Variants in ZNF277 observed in about 807,000 individuals in gnomAD.
The protein encoded by ZNF277 is zinc finger protein 277, also known as nuclear receptor-interacting factor 4.
In ZNF277, 55 loss-of-function variants were observed where a neutral mutation model predicts 60.7. The ratio of observed to expected loss-of-function variants is 0.91; its 90% CI spans 0.73 to 1.13. The LOEUF is 1.13. ZNF277 is among the 50% of genes most tolerant of loss of function. ZNF277 has a pLI of 0.00. For missense variants in ZNF277, 510 were observed against 523.0 expected (o/e 0.98, Z 0.24); for synonymous variants, 178 against 179.3 (o/e 0.99, Z 0.06).
At chr7:112,268,150 A>G (rs1310734189) in intron 1 of ZNF277, among the ~76,000 whole-genome samples, 1 of 152,146 alleles carries the variant, frequency 6.6e-6, no homozygotes, top group African/African-American at 2.4e-5. Flanking sequence ...GAAAGTGACC[A>G]TGTATGAAAG....
intron 1 of ZNF277, among the ~76,000 whole-genome samples, chr7:112,262,084 T>G (rs1333713838): frequency 6.6e-6 from 1 of 152,024 alleles, no homozygotes; most frequent in East Asian, 1.9e-4. Flanking sequence ...ACTCACTATT[T>G]TCTATTTCTC....
chr7:112,329,537 T>C (rs1793176382), intron 6 of ZNF277, among the ~76,000 whole-genome samples: 1 of 152,158 alleles, frequency 6.6e-6, no homozygotes, highest in Non-Finnish European at 1.5e-5. Context: ...TCAATAAATA[T>C]ATATATATGA....
intron 1 of ZNF277, among the ~76,000 whole-genome samples, chr7:112,219,984 A>G (rs1172560324): frequency 6.6e-6 from 1 of 152,222 alleles, no homozygotes; most frequent in African/African-American, 2.4e-5. Flanking sequence ...GAGATCAGGT[A>G]GAGTGATGCC....
rs533448494 is a variant in ZNF277, at chr7:112,207,623, A to T, written c.91+816A>T. On this transcript the variant is annotated intron_variant, in intron 1 of 11. Coordinates refer to ENST00000361822, the MANE Select transcript of ZNF277 (RefSeq NM_021994.3). ...GGTGGATTGTGTTTAGGACTCTTTT[A>T]CCTTTAGTCTATCCCTCCCCCATTC... Among the ~76,000 whole-genome samples, 94 of 152,228 alleles carry T rather than the reference A, an allele frequency of 6.2e-4. No homozygotes were observed. The Middle Eastern group carries it at 0.014, about 22-fold the overall frequency.
At chr7:112,251,133 G>A (rs1231744305) in intron 1 of ZNF277, among the ~76,000 whole-genome samples, 2 of 151,996 alleles carry the variant, frequency 1.3e-5, no homozygotes, top group Non-Finnish European at 2.9e-5. Context: ...AAACCAACTT[G>A]AGGAAGAATC....
chr7:112,235,920 G>A (rs1790771405), intron 1 of ZNF277, among the ~76,000 whole-genome samples: 1 of 151,944 alleles, frequency 6.6e-6, no homozygotes. Flanking sequence ...TTACATGTAG[G>A]TTTGTGATCA....
Position 112,342,671 on chromosome 7 carries a change from A to G in ZNF277, c.1295A>G (p.Asp432Gly). The change falls in exon 12 of 12, where the codon GAT becomes GGT. Residue 432 changes from aspartate to glycine, a missense_variant. Physicochemically the swap from Asp to Gly is moderately conservative, Grantham distance 94. Transcript: ENST00000361822. ...QNENVPIISEDTSKLYALKQS... is the reference protein window; with the variant it reads ...QNENVPIISEGTSKLYALKQS... The stretch of plus-strand genomic sequence containing the variant: ...GAAAATGTTCCCATCATCAGTGAAG[A>G]TACATCTAAACTGTATGCTTTGAAA... The G allele has an allele frequency of 6.2e-7, 1 of 1,612,360 alleles. No individual in the cohort carries two copies. Among genetic ancestry groups the G allele is most frequent in the South Asian group, 1.1e-5 (1 of 91,024 alleles).
chr7:112,268,881 G>C (rs976245749), intron 1 of ZNF277, among the ~76,000 whole-genome samples: 1 of 152,022 alleles, frequency 6.6e-6, no homozygotes, highest in African/African-American at 2.4e-5. Context: ...AGTCAGTTGG[G>C]CATTTTGTTT....
chr7:112,265,268 T>C (rs1791524453), intron 1 of ZNF277, among the ~76,000 whole-genome samples: 1 of 152,170 alleles, frequency 6.6e-6, no homozygotes, highest in South Asian at 2.1e-4. Context: ...GACTCTTCAC[T>C]TGAACACTTA....
At chr7:112,274,318 C>T (rs1192247573) in intron 1 of ZNF277, among the ~76,000 whole-genome samples, 1 of 151,914 alleles carries the variant, frequency 6.6e-6, no homozygotes, top group African/African-American at 2.4e-5. Flanking sequence ...CCACCATGCC[C>T]AGCTGATTTT....
At chr7:112,237,709 G>C (rs1790837538) in intron 1 of ZNF277, among the ~76,000 whole-genome samples, 1 of 152,028 alleles carries the variant, frequency 6.6e-6, no homozygotes, top group African/African-American at 2.4e-5. Flanking sequence ...AAAAAGCCCA[G>C]GACCATATGG....
intron 1 of ZNF277, among the ~76,000 whole-genome samples, chr7:112,208,523 C>T (rs1445124576): frequency 6.6e-6 from 1 of 151,044 alleles, no homozygotes; most frequent in Admixed American, 6.6e-5. Flanking sequence ...ATTCCCTCAC[C>T]TCACAGCACC....
rs1189897028 is a variant in ZNF277 at position 112,239,196 on chromosome 7, A to C, written c.91+32389A>C. 2.0e-5 allele frequency among the ~76,000 whole-genome samples: 3 copies of C among 152,010 alleles called. No homozygotes were observed. The East Asian group carries it at 5.8e-4, about 30-fold the overall frequency. On this transcript the variant is annotated intron_variant, in intron 1 of 11. Transcript: ENST00000361822. ...GAAGAGTAAAAAGACTTTCTCTTGC[A>C]ACTTGGGTACCAGCTCAGCCACAGG...
intron 1 of ZNF277, among the ~76,000 whole-genome samples, chr7:112,217,782 C>T (rs1821924513): frequency 6.6e-6 from 1 of 152,174 alleles, no homozygotes; most frequent in African/African-American, 2.4e-5. Flanking sequence ...TAAACCTCCT[C>T]AGTTGTTCCT....
At chr7:112,237,581 C>T (rs1435353849) in intron 1 of ZNF277, among the ~76,000 whole-genome samples, 1 of 152,098 alleles carries the variant, frequency 6.6e-6, no homozygotes, top group Non-Finnish European at 1.5e-5. Flanking sequence ...ACACTATGCT[C>T]ACAAACTAGA....
chr7:112,286,851 T>TTTTTTTTTTG (rs1563216157), intron 1 of ZNF277, 22 bp from the exon 2 acceptor site: 1 of 1,374,324 alleles, frequency 7.3e-7, no homozygotes, highest in Non-Finnish European at 9.4e-7. Flanking sequence ...CTTTTTTTTT[T>TTTTTTTTTTG]TTTTTTTTTG....
At position 112,318,215 on chromosome 7, in the gene ZNF277, A is replaced by G. The variant is rs1438877723; in HGVS notation, c.499A>G (p.Asn167Asp). Residue 167 changes from asparagine to aspartate, a missense_variant, in exon 5 of 12, where the codon AAT becomes GAT. Coordinates refer to ENST00000361822, the MANE Select transcript of ZNF277 (RefSeq NM_021994.3). Reference protein sequence around the residue: ...EILEQQQQERNDTNFHGVCMF... With the variant: ...EILEQQQQERDDTNFHGVCMF... Reference sequence around the variant, plus strand: ...TCTGGAACAACAGCAGCAAGAACGAAATGATACCAATTTTCATGGCGTTTG... The same window carrying G: ...TCTGGAACAACAGCAGCAAGAACGAGATGATACCAATTTTCATGGCGTTTG... 2.5e-6 allele frequency: 4 copies of G among 1,613,530 alleles called. No individual in the cohort carries two copies. Among genetic ancestry groups the G allele is most frequent in the Non-Finnish European group, 3.4e-6 (4 of 1,179,570 alleles).
chr7:112,255,264 C>CA (rs1377083013), intron 1 of ZNF277, among the ~76,000 whole-genome samples: 3 of 151,772 alleles, frequency 2.0e-5, no homozygotes, highest in Non-Finnish European at 4.4e-5. Context: ...TATGACTTAG[C>CA]AAAAAATAGG....
intron 2 of ZNF277, among the ~76,000 whole-genome samples, chr7:112,295,332 C>G (rs1256063106): frequency 6.6e-6 from 1 of 152,064 alleles, no homozygotes; most frequent in Non-Finnish European, 1.5e-5. Context: ...GCTATTTTTC[C>G]AAAGTCTAAA....
Sources: allele counts gnomAD v4.1 joint callset (sites outside exome capture counted in the v4.1 genomes callset), GRCh38; gene constraint gnomAD v4.1.1; transcripts MANE v1.5; gene names NCBI Gene and HGNC (gene_info 2026-07-23, HGNC 2026-07-21).